ANK2: variants seen among roughly 807,000 people sequenced by gnomAD.
ANK2 encodes the protein ankyrin-2.
In ANK2, 83 loss-of-function variants were observed where a neutral mutation model predicts 360.5. The ratio of observed to expected loss-of-function variants is 0.23; its 90% CI spans 0.19 to 0.28. The LOEUF is 0.28. ANK2 is among the 10% of genes least tolerant of loss of function. ANK2 has a pLI of 1.00. For missense variants in ANK2, 4,201 were observed against 4,795.7 expected (o/e 0.88, Z 3.66); for synonymous variants, 1,740 against 1,759.5 (o/e 0.99, Z 0.28).
chr4:112,863,773 C>T (rs898433654), intron 1 of ANK2, among the ~76,000 whole-genome samples: 1 of 152,038 alleles, frequency 6.6e-6, no homozygotes, highest in African/African-American at 2.4e-5. Context: ...CCTCCCGCCT[C>T]GGCCTCCCAA....
chr4:113,242,015 G>T, intron 8 of ANK2, 96 bp from the exon 9 acceptor site: 4 of 941,750 alleles, frequency 4.2e-6, no homozygotes, highest in Non-Finnish European at 6.9e-6. Context: ...AAATTACCAC[G>T]TAGGTCACAA....
intron 1 of ANK2, among the ~76,000 whole-genome samples, chr4:113,086,336 AG>A (rs1177405637): frequency 6.6e-6 from 1 of 152,198 alleles, no homozygotes; most frequent in Non-Finnish European, 1.5e-5. Context: ...ATTCGAAAAG[AG>A]GTTTGACTCC....
upstream of ANK2, among the ~76,000 whole-genome samples, chr4:113,048,842 C>G (rs2065683130): frequency 6.6e-6 from 1 of 151,516 alleles, no homozygotes; most frequent in African/African-American, 2.4e-5. Context: ...AGATATTTAA[C>G]AAGCCTTGAT....
intron 1 of ANK2, among the ~76,000 whole-genome samples, chr4:113,081,164 C>G (rs894398498): frequency 6.6e-6 from 1 of 152,134 alleles, no homozygotes; most frequent in South Asian, 2.1e-4. Context: ...CTAACTCAGT[C>G]TATCTTTTCT....
chr4:113,038,791 T>C (rs1275346132), intron 2 of ANK2, among the ~76,000 whole-genome samples: 4 of 151,962 alleles, frequency 2.6e-5, no homozygotes, highest in Admixed American at 2.6e-4. Flanking sequence ...ACCCAAGCCA[T>C]GTGGAGAGGC....
At chr4:112,769,619 T>C in the ANK2 span, among the ~76,000 whole-genome samples, 14 of 152,350 alleles carry the variant, frequency 9.2e-5, no homozygotes, top group African/African-American at 3.1e-4. Context: ...CTTGTGATAG[T>C]TAATTCTATG....
At chr4:112,924,568 A>C (rs2092246238) in intron 2 of ANK2, among the ~76,000 whole-genome samples, 1 of 151,950 alleles carries the variant, frequency 6.6e-6, no homozygotes, top group South Asian at 2.1e-4. Context: ...GAAATTGTTA[A>C]ATTATGAAAC....
rs192158240 is a variant in ANK2 at position 113,254,755 on chromosome 4, G to A, written c.991-980G>A. ...ACCTTCCTTGTTGAGAATATTGGGC[G>A]GGGGGCCTTTTCTGGTAAAATATCC... On this transcript the variant is annotated intron_variant, in intron 10 of 45. Coordinates refer to ENST00000357077, the MANE Select transcript of ANK2 (RefSeq NM_001148.6). Among the ~76,000 whole-genome samples the A allele has an allele frequency of 1.1e-4, 16 of 152,124 alleles. No individual in the cohort carries two copies. In the East Asian group the frequency reaches 2.3e-3, roughly 22 times the overall value.
At chr4:113,083,258 C>T (rs958644227) in intron 1 of ANK2, among the ~76,000 whole-genome samples, 5 of 152,116 alleles carry the variant, frequency 3.3e-5, no homozygotes, top group Non-Finnish European at 1.5e-5. Context: ...AGCTCACTGT[C>T]ACCTTGATCT....
the ANK2 span, among the ~76,000 whole-genome samples, chr4:112,731,001 G>C: frequency 6.6e-6 from 1 of 152,018 alleles, no homozygotes. Context: ...AATTAGCTGG[G>C]CATGGTGGCC....
intron 1 of ANK2, among the ~76,000 whole-genome samples, chr4:112,850,315 A>ATCTG (rs1230078835): frequency 3.0e-5 from 4 of 132,878 alleles, no homozygotes; most frequent in African/African-American, 1.2e-4. Flanking sequence ...TTGTTCATCC[A>ATCTG]TCCATCCATT....
chr4:113,194,409 G>T (rs1351308808), intron 2 of ANK2, among the ~76,000 whole-genome samples: 1 of 152,116 alleles, frequency 6.6e-6, no homozygotes, highest in African/African-American at 2.4e-5. Context: ...AGCTTTATAT[G>T]ATCACAGAAA....
At chr4:112,881,867 A>G (rs2076782115) in intron 1 of ANK2, 2 of 782,672 alleles carry the variant, frequency 2.6e-6, no homozygotes, top group Non-Finnish European at 4.4e-6. Flanking sequence ...GTTTTTGAGA[A>G]TATTCTCTTG....
chr4:113,288,531 T>C (rs1003351092), intron 20 of ANK2, 45 bp downstream of exon 20: 11 of 1,531,876 alleles, frequency 7.2e-6, no homozygotes, highest in Non-Finnish European at 9.0e-6. Context: ...GCAAAAAGGT[T>C]CAGCCATCTG....
chr4:113,316,875 A>G (rs944338049), intron 24 of ANK2, among the ~76,000 whole-genome samples: 2 of 152,216 alleles, frequency 1.3e-5, no homozygotes, highest in African/African-American at 4.8e-5. Flanking sequence ...CCTAAATCCC[A>G]TTTTGAAGCC....
chr4:112,983,525 T>C (rs912343072), intron 2 of ANK2, among the ~76,000 whole-genome samples: 1 of 151,152 alleles, frequency 6.6e-6, no homozygotes, highest in African/African-American at 2.4e-5. Context: ...AAAAAAAAAA[T>C]ACAAAATTAG....
intron 2 of ANK2, among the ~76,000 whole-genome samples, chr4:112,995,843 A>G (rs1295132428): frequency 2.6e-5 from 4 of 152,144 alleles, no homozygotes; most frequent in Non-Finnish European, 5.9e-5. Context: ...GCTTTTATGG[A>G]ATGTTGATGA....
At chr4:112,811,038 C>T in the ANK2 span, among the ~76,000 whole-genome samples, 2 of 151,742 alleles carry the variant, frequency 1.3e-5, no homozygotes, top group African/African-American at 4.8e-5. Context: ...TGGGTTCACG[C>T]CATTCTCCTG....
At chr4:113,072,904 G>A (rs144737419) in intron 1 of ANK2, among the ~76,000 whole-genome samples, 1 of 147,582 alleles carries the variant, frequency 6.8e-6, no homozygotes, top group East Asian at 2.0e-4. Flanking sequence ...ATTATATTGT[G>A]CCATTAGTAG....
Sources: allele counts gnomAD v4.1 joint callset (sites outside exome capture counted in the v4.1 genomes callset), GRCh38; gene constraint gnomAD v4.1.1; transcripts MANE v1.5; gene names NCBI Gene and HGNC (gene_info 2026-07-23, HGNC 2026-07-21).